MTRF1: variants seen among roughly 807,000 people sequenced by gnomAD.
MTRF1 encodes peptide chain release factor 1, mitochondrial.
A neutral mutation model predicts 62.9 loss-of-function variants in MTRF1; 51 were observed. The observed-to-expected ratio is 0.81, with a 90% CI of 0.65 to 1.02. The LOEUF (loss-of-function observed/expected upper bound fraction) is 1.02, where lower values mean the gene tolerates loss of function less well. Among genes scored for constraint, MTRF1 ranks in the 50% least tolerant of loss-of-function variants. The pLI is 0.00. For missense variants in MTRF1, 446 were observed against 530.0 expected (o/e 0.84, Z 1.56); for synonymous variants, 158 against 181.9 (o/e 0.87, Z 1.06).
the MTRF1 span, among the ~76,000 whole-genome samples, chr13:41,303,723 G>C: frequency 2.0e-5 from 3 of 152,108 alleles, no homozygotes; most frequent in Non-Finnish European, 4.4e-5. Context: ...CTAGGTTAAC[G>C]GAACAGATTA....
the MTRF1 span, among the ~76,000 whole-genome samples, chr13:41,300,455 G>A: frequency 6.6e-6 from 1 of 151,992 alleles, no homozygotes; most frequent in African/African-American, 2.4e-5. Flanking sequence ...GCATGGTGGT[G>A]GGCGCCTGTA....
At chr13:41,311,534 G>A in the MTRF1 span, 1 of 1,604,948 alleles carries the variant, frequency 6.2e-7, no homozygotes, top group South Asian at 1.1e-5. Context: ...CCACGATGCC[G>A]AACGTGCTGC....
At chr13:41,231,776 C>T (rs187798859) in intron 7 of MTRF1, among the ~76,000 whole-genome samples, 2 of 150,540 alleles carry the variant, frequency 1.3e-5, no homozygotes, top group Admixed American at 6.6e-5. Flanking sequence ...TGTAGTGGCT[C>T]ATGTCTGTTA....
chr13:41,227,341 C>T (rs1046109159), intron 7 of MTRF1, among the ~76,000 whole-genome samples: 3 of 151,432 alleles, frequency 2.0e-5, no homozygotes, highest in African/African-American at 7.3e-5. Context: ...AATGAAAAGA[C>T]GCTACTCAGA....
rs1206687120 is a variant in MTRF1 at position 41,233,918 on chromosome 13, ACT to A, written c.958_959del (p.Ser320CysfsTer25). Reference sequence around the variant, plus strand: ...TGGGGATGTGGACAAGTCTGACGGCACTATCAGTTTTATTAACATGCTGCCCT... The same window carrying A: ...TGGGGATGTGGACAAGTCTGACGGCAATCAGTTTTATTAACATGCTGCCCT... Reference protein sequence around the residue: ...AGGQHVNKTDSAVRLVHIPTG... With the variant: ...AGGQHVNKTDXAVRLVHIPTG... On this transcript the variant is annotated frameshift_variant, in exon 7 of 10. Transcript: ENST00000379480. LOFTEE classifies it high-confidence loss of function. The A allele has an allele frequency of 6.2e-7, 1 of 1,614,142 alleles. No individual in the cohort carries two copies. Among genetic ancestry groups the A allele is most frequent in the Admixed American group, 1.7e-5 (1 of 60,020 alleles).
At chr13:41,298,773 A>T in the MTRF1 span, among the ~76,000 whole-genome samples, 15 of 152,340 alleles carry the variant, frequency 9.8e-5, no homozygotes, top group Non-Finnish European at 1.5e-4. Flanking sequence ...TTGATATATC[A>T]AGTCAGGTTC....
intron 6 of MTRF1, chr13:41,236,016 A>C (rs1244488347): frequency 6.9e-6 from 1 of 145,960 alleles, no homozygotes; most frequent in Non-Finnish European, 1.5e-5. Flanking sequence ...AGAGTTTGGA[A>C]ACTTATACAC....
At chr13:41,283,750 C>T in the MTRF1 span, among the ~76,000 whole-genome samples, 1 of 151,398 alleles carries the variant, frequency 6.6e-6, no homozygotes, top group Non-Finnish European at 1.5e-5. Flanking sequence ...CCACTACGCC[C>T]GGCTAACTTT....
the MTRF1 span, among the ~76,000 whole-genome samples, chr13:41,284,612 T>C: frequency 6.6e-6 from 1 of 151,848 alleles, no homozygotes; most frequent in African/African-American, 2.4e-5. Context: ...TTTACTTTAA[T>C]AGTCAACAGG....
At chr13:41,262,685 G>A (rs181186428) in intron 1 of MTRF1, among the ~76,000 whole-genome samples, 7 of 152,264 alleles carry the variant, frequency 4.6e-5, no homozygotes, top group Non-Finnish European at 8.8e-5. Flanking sequence ...GTCAAGCCAC[G>A]CACAGTAGCA....
the MTRF1 span, among the ~76,000 whole-genome samples, chr13:41,288,730 A>AT: frequency 8.3e-4 from 126 of 152,100 alleles, 2 homozygotes; most frequent in South Asian, 0.022. Context: ...ACATTACTCG[A>AT]TTTTTTTTGT....
At chr13:41,289,829 T>G in the MTRF1 span, among the ~76,000 whole-genome samples, 1 of 152,146 alleles carries the variant, frequency 6.6e-6, no homozygotes, top group Non-Finnish European at 1.5e-5. Context: ...AACCACACAT[T>G]GCACAACCAA....
At chr13:41,281,379 G>A in the MTRF1 span, among the ~76,000 whole-genome samples, 1 of 145,812 alleles carries the variant, frequency 6.9e-6, no homozygotes, top group African/African-American at 2.5e-5. Flanking sequence ...GTTAGTTTTT[G>A]TTTTTTTTTT....
the MTRF1 span, among the ~76,000 whole-genome samples, chr13:41,276,184 T>C: frequency 1.3e-5 from 2 of 152,162 alleles, no homozygotes; most frequent in Admixed American, 6.6e-5. Flanking sequence ...TTCCTTTTTT[T>C]TTTTTAGACA....
chr13:41,254,982 T>C (rs1031501593), intron 2 of MTRF1, among the ~76,000 whole-genome samples: 1 of 152,142 alleles, frequency 6.6e-6, no homozygotes, highest in Non-Finnish European at 1.5e-5. Context: ...TATAATTATA[T>C]AAATTGGTGA....
At chr13:41,273,136 C>T in the MTRF1 span, among the ~76,000 whole-genome samples, 1 of 151,878 alleles carries the variant, frequency 6.6e-6, no homozygotes, top group Non-Finnish European at 1.5e-5. Flanking sequence ...ACCATCCTAG[C>T]TAACACAGTG....
upstream of MTRF1, among the ~76,000 whole-genome samples, chr13:41,265,253 T>A (rs972577366): frequency 6.6e-5 from 10 of 151,960 alleles, no homozygotes; most frequent in African/African-American, 2.4e-4. Flanking sequence ...AGAAACCCCA[T>A]CTCTACTAAA....
chr13:41,268,272 A>T (rs2040862868), upstream of MTRF1, among the ~76,000 whole-genome samples: 1 of 152,226 alleles, frequency 6.6e-6, no homozygotes, highest in Non-Finnish European at 1.5e-5. Flanking sequence ...TGTAATTTTT[A>T]TACCAAATAA....
At chr13:41,263,219 CAACATT>C (rs1276869258) in intron 1 of MTRF1, 1 of 1,262,866 alleles carries the variant, frequency 7.9e-7, no homozygotes, top group African/African-American at 1.5e-5. Context: ...TCATGAATCT[CAACATT>C]AAGGAAAACA....
Sources: allele counts gnomAD v4.1 joint callset (sites outside exome capture counted in the v4.1 genomes callset), GRCh38; gene constraint gnomAD v4.1.1; transcripts MANE v1.5; gene names NCBI Gene and HGNC (gene_info 2026-07-23, HGNC 2026-07-21).